The following MCM10 variants were observed in gnomAD, a reference collection of about 807,000 sequenced individuals.
MCM10 encodes the protein minichromosome maintenance 10 replication initiation factor.
Under a neutral mutation model 109.9 loss-of-function variants are expected in MCM10, and 91 were observed. That is an observed-to-expected ratio of 0.83 (90% CI 0.70 to 0.99). The LOEUF is 0.99. Among genes scored for constraint, MCM10 ranks in the 50% least tolerant of loss-of-function variants. The probability of loss-of-function intolerance (pLI) is 0.00; values close to 1 mark genes in which losing one functional copy is unlikely to be tolerated. For synonymous variants in MCM10, 380 were observed against 387.2 expected (o/e 0.98, Z 0.22); for missense variants, 1,077 against 1,061.2 (o/e 1.01, Z -0.21).
intron 14 of MCM10, among the ~76,000 whole-genome samples, chr10:13,197,137 G>A (rs1834432203): frequency 6.6e-6 from 1 of 151,946 alleles, no homozygotes; most frequent in Admixed American, 6.6e-5. Context: ...TGCTCAGGCT[G>A]GTTTTAAACT....
Position 13,172,345 on chromosome 10 carries a change from G to A in MCM10, c.350-31G>A, listed in dbSNP as rs766578913. 2 of 1,556,430 alleles carry A rather than the reference G, an allele frequency of 1.3e-6. No homozygotes were observed. The highest frequency in any genetic ancestry group is 8.8e-7 in the Non-Finnish European group (1 of 1,131,650). On this transcript the variant is annotated intron_variant, in intron 3 of 19. Transcript: ENST00000378714. The surrounding 1 kb of genome is among the most constrained non-coding windows in gnomAD (Gnocchi z 5.2). ...CATGTAGAACGTTTTCTCCTGCCTG[G>A]TTCTTAAATTAACATATTTTCATTT...
intron 2 of MCM10, among the ~76,000 whole-genome samples, chr10:13,165,291 C>G (rs1333578654): frequency 6.6e-6 from 1 of 152,196 alleles, no homozygotes; most frequent in Non-Finnish European, 1.5e-5. Context: ...CTATTGCACT[C>G]TCAAAATATC....
chr10:13,197,801 G>A (rs1834442307), intron 15 of MCM10, 34 bp downstream of exon 15: 3 of 1,587,356 alleles, frequency 1.9e-6, no homozygotes, highest in Non-Finnish European at 2.6e-6. Context: ...GTGGGAAAGA[G>A]AAACTGTTTC....
chr10:13,205,208 G>A (rs752071041), intron 18 of MCM10, among the ~76,000 whole-genome samples: 25 of 151,660 alleles, frequency 1.6e-4, no homozygotes, highest in Non-Finnish European at 2.5e-4. Flanking sequence ...CCCACCCTTC[G>A]GTGTCTATTA....
chr10:13,190,232 G>C (rs2131577906), intron 10 of MCM10, among the ~76,000 whole-genome samples: 1 of 152,226 alleles, frequency 6.6e-6, no homozygotes, highest in East Asian at 1.9e-4. Flanking sequence ...CTCATTTCCT[G>C]TTTCTTTTTT....
chr10:13,188,922 C>T lies in MCM10; in HGVS notation c.1257C>T (p.Tyr419=), dbSNP rs1834310330. 1 of 1,614,192 alleles carries T rather than the reference C, an allele frequency of 6.2e-7. No homozygotes were observed. Among genetic ancestry groups the T allele is most frequent in the South Asian group, 1.1e-5 (1 of 91,088 alleles). Residue 419 remains tyrosine (Y), a synonymous_variant, in exon 10 of 20, where the codon TAC becomes TAT. Transcript: ENST00000378714. ...EYCQYHVQAQ[Y]KKLSAKRADL... Reference sequence around the variant, plus strand: ...GTCAGTACCATGTCCAGGCTCAGTACAAGAAGCTCAGCGCAAAGCGTGCGG... The same window carrying T: ...GTCAGTACCATGTCCAGGCTCAGTATAAGAAGCTCAGCGCAAAGCGTGCGG...
intron 6 of MCM10, among the ~76,000 whole-genome samples, chr10:13,179,641 G>C (rs936890873): frequency 6.6e-6 from 1 of 152,058 alleles, no homozygotes; most frequent in African/African-American, 2.4e-5. Context: ...ATAACCCTAA[G>C]AGTTTTTTGA....
At chr10:13,204,076 C>T (rs535181294) in intron 17 of MCM10, 143 bp from the exon 18 acceptor site, 7 of 838,176 alleles carry the variant, frequency 8.4e-6, no homozygotes, top group African/African-American at 1.7e-5. Flanking sequence ...TAGCAAGAGG[C>T]GAAGGTGGCC....
intron 6 of MCM10, among the ~76,000 whole-genome samples, chr10:13,179,743 T>C (rs1027078962): frequency 6.6e-6 from 1 of 152,182 alleles, no homozygotes; most frequent in Non-Finnish European, 1.5e-5. Context: ...AAAATTCAAT[T>C]AGAATAGTAG....
chr10:13,186,927 G>C (rs1156391401), intron 9 of MCM10, among the ~76,000 whole-genome samples: 1 of 152,190 alleles, frequency 6.6e-6, no homozygotes, highest in East Asian at 1.9e-4. Flanking sequence ...GGAAGGCAGA[G>C]GTTTCAGTGA....
At position 13,166,816 on chromosome 10, in the gene MCM10, CTTGT is replaced by C. The variant is rs545295208; in HGVS notation, c.7+2613_7+2616del. Among the ~76,000 whole-genome samples, 316 of 151,790 alleles carry C rather than the reference CTTGT, an allele frequency of 2.1e-3. 2 individuals carry two copies. The highest frequency in any genetic ancestry group is 2.6e-3 in the Non-Finnish European group (174 of 67,920). ...GGGAATCTTTAAGCAGTGCTGAATG[CTTGT>C]TTGTTATGGGTGTGCAAAAATTTAA... On this transcript the variant is annotated intron_variant, in intron 2 of 19. Coordinates refer to ENST00000378714, the MANE Select transcript of MCM10 (RefSeq NM_018518.5).
chr10:13,177,793 C>T (rs142708346), intron 6 of MCM10, among the ~76,000 whole-genome samples: 23 of 150,136 alleles, frequency 1.5e-4, no homozygotes, highest in African/African-American at 5.6e-4. Context: ...AAGGCTGCAG[C>T]GGGCCAAGAT....
Position 13,172,864 on chromosome 10 carries a change from C to A in MCM10, c.592+99C>A. 2.6e-6 allele frequency: 3 copies of A among 1,132,846 alleles called. No homozygotes were observed. Among genetic ancestry groups the A allele is most frequent in the Non-Finnish European group, 1.2e-6 (1 of 803,388 alleles). The allele number at this position is 1,132,846 out of a possible 1,614,324, so 70.2% of individuals were successfully genotyped here. ...TGGGTGTCTGTGTCTTTTGGTCTGT[C>A]TTATGTCCCCATTGAGAAAGAAAGT... On this transcript the variant is annotated intron_variant, in intron 5 of 19. Coordinates refer to ENST00000378714, the MANE Select transcript of MCM10 (RefSeq NM_018518.5). The surrounding 1 kb of genome is among the most constrained non-coding windows in gnomAD (Gnocchi z 5.2).
Position 13,192,051 on chromosome 10 carries a change from T to C in MCM10, c.1517-204T>C, listed in dbSNP as rs76320769. Among the ~76,000 whole-genome samples, 124 of 152,330 alleles carry C rather than the reference T, an allele frequency of 8.1e-4. 1 individual carries two copies. The East Asian group carries it at 0.024, about 29-fold the overall frequency. On this transcript the variant is annotated intron_variant, in intron 11 of 19. Coordinates refer to ENST00000378714, the MANE Select transcript of MCM10 (RefSeq NM_018518.5). ...AAGGGCTTAATATTCTAATCATTAC[T>C]AGAAATAAAATATAGTCGAGATACC...
intron 15 of MCM10, among the ~76,000 whole-genome samples, chr10:13,198,130 C>T (rs6602643): frequency 0.57 from 86,658 of 151,788 alleles, 24,971 homozygotes; most frequent in African/African-American, 0.59. Flanking sequence ...GCCAGGATGG[C>T]CTCGATCTCT....
intron 9 of MCM10, among the ~76,000 whole-genome samples, chr10:13,186,955 A>G (rs1834282682): frequency 1.3e-5 from 2 of 152,212 alleles, no homozygotes; most frequent in African/African-American, 2.4e-5. Flanking sequence ...TCGCACTATT[A>G]TACTCCAGCC....
intron 10 of MCM10, 45 bp from the exon 11 acceptor site, chr10:13,191,254 T>G: frequency 1.5e-6 from 2 of 1,316,392 alleles, no homozygotes; most frequent in Non-Finnish European, 2.2e-6. Flanking sequence ...ATCAGAGCAT[T>G]GAGGCTTTAG....
At chr10:13,192,917 ACT>A (rs1834368288) in intron 13 of MCM10, among the ~76,000 whole-genome samples, 1 of 149,556 alleles carries the variant, frequency 6.7e-6, no homozygotes, top group South Asian at 2.1e-4. Flanking sequence ...ACGGGTTTTC[ACT>A]CTGTCACCCC....
At chr10:13,180,878 A>G (rs1444389996) in intron 7 of MCM10, among the ~76,000 whole-genome samples, 1 of 152,174 alleles carries the variant, frequency 6.6e-6, no homozygotes. Context: ...TGGGTGACAC[A>G]TGTGGTTGTC....
Sources: allele counts gnomAD v4.1 joint callset (sites outside exome capture counted in the v4.1 genomes callset), GRCh38; gene constraint gnomAD v4.1.1; non-coding constraint Gnocchi (gnomAD v3.1); transcripts MANE v1.5; gene names NCBI Gene and HGNC (gene_info 2026-07-23, HGNC 2026-07-21).